Variants in PIP5K1A observed in about 807,000 individuals in gnomAD.
The protein encoded by PIP5K1A is phosphatidylinositol 4-phosphate 5-kinase type-1 alpha.
Under a neutral mutation model 72.9 loss-of-function variants are expected in PIP5K1A, and 46 were observed. The observed-to-expected ratio is 0.63, with a 90% CI of 0.50 to 0.81. The LOEUF is 0.81. Among genes scored for constraint, PIP5K1A ranks in the 30% least tolerant of loss-of-function variants. The probability of loss-of-function intolerance (pLI) is 0.00; values close to 1 mark genes in which losing one functional copy is unlikely to be tolerated. For synonymous variants in PIP5K1A, 228 were observed against 255.1 expected (o/e 0.89, Z 1.01); for missense variants, 458 against 706.1 (o/e 0.65, Z 3.98).
chr1:151,224,088 A>G, intron 1 of PIP5K1A, 157 bp from the exon 2 acceptor site: 1 of 697,762 alleles, frequency 1.4e-6, no homozygotes, highest in East Asian at 2.6e-5. Context: ...AGAGAGGGAC[A>G]TACACAGTTG....
chr1:151,234,883 A>G (rs1690639120), intron 8 of PIP5K1A, among the ~76,000 whole-genome samples: 1 of 152,046 alleles, frequency 6.6e-6, no homozygotes, highest in African/African-American at 2.4e-5. Context: ...ATCCAACCCC[A>G]CTTGGGCTTT....
At chr1:151,246,789 C>T (rs905441388) in intron 14 of PIP5K1A, 131 bp from the exon 15 acceptor site, 1 of 636,242 alleles carries the variant, frequency 1.6e-6, no homozygotes, top group African/African-American at 1.8e-5. Context: ...GCTTCTCAGC[C>T]TCTTCTTTCC....
chr1:151,220,225 C>G (rs1055660562), intron 1 of PIP5K1A, among the ~76,000 whole-genome samples: 2 of 151,818 alleles, frequency 1.3e-5, no homozygotes, highest in Admixed American at 6.6e-5. Context: ...AGGATGATCT[C>G]GATCTCCTGA....
intron 5 of PIP5K1A, 150 bp downstream of exon 5, chr1:151,231,951 C>A: frequency 1.3e-6 from 1 of 759,168 alleles, no homozygotes; most frequent in Non-Finnish European, 2.2e-6. Context: ...CTAGAGAGTT[C>A]GGAGAGCAGA....
intron 1 of PIP5K1A, among the ~76,000 whole-genome samples, chr1:151,211,952 TAAAA>T (rs888345541): frequency 5.5e-5 from 8 of 146,492 alleles, no homozygotes; most frequent in African/African-American, 1.3e-4. Flanking sequence ...AAACAAAAAA[TAAAA>T]AAAAAATTAG....
At chr1:151,240,183 T>C (rs1473309534) in intron 12 of PIP5K1A, 144 bp downstream of exon 12, 2 of 663,744 alleles carry the variant, frequency 3.0e-6, no homozygotes, top group Non-Finnish European at 2.7e-6. Context: ...AGCCATTTCT[T>C]GTCCTTTGTG....
At chr1:151,234,558 C>A in intron 8 of PIP5K1A, 62 bp downstream of exon 8, 1 of 1,373,212 alleles carries the variant, frequency 7.3e-7, no homozygotes, top group Non-Finnish European at 1.0e-6. Context: ...TGTTCTTAGG[C>A]ATTAAGTTTG....
chr1:151,226,732 A>G (rs1689205768), intron 3 of PIP5K1A, among the ~76,000 whole-genome samples: 1 of 134,582 alleles, frequency 7.4e-6, no homozygotes, highest in Non-Finnish European at 1.6e-5. Context: ...AAAAAAAAGT[A>G]CTCTTATTTT....
At chr1:151,218,831 C>CAAAAAA (rs5777767) in intron 1 of PIP5K1A, among the ~76,000 whole-genome samples, 1 of 70,540 alleles carries the variant, frequency 1.4e-5, no homozygotes, top group Admixed American at 1.8e-4. Flanking sequence ...GACTCTGTCT[C>CAAAAAA]AAAAAAAAAA....
intron 13 of PIP5K1A, 58 bp downstream of exon 13, chr1:151,242,327 C>G: frequency 6.2e-7 from 1 of 1,603,010 alleles, no homozygotes; most frequent in Non-Finnish European, 8.5e-7. Flanking sequence ...TCCTTCTGAG[C>G]CTTTATCTTG....
intron 1 of PIP5K1A, chr1:151,199,307 G>T: frequency 1.2e-6 from 1 of 810,814 alleles, no homozygotes; most frequent in South Asian, 2.0e-5. Flanking sequence ...GAGGACGGAT[G>T]GAGATTGAAG....
chr1:151,247,799 C>G, intron 15 of PIP5K1A, 64 bp from the exon 16 acceptor site: 1 of 1,374,664 alleles, frequency 7.3e-7, no homozygotes, highest in Non-Finnish European at 1.0e-6. Flanking sequence ...TTTCTTAACG[C>G]TTGAATTCCA....
rs759077000 is a variant in PIP5K1A, at chr1:151,198,947, G to A, written c.-50G>A. The A allele has an allele frequency of 3.3e-6, 5 of 1,530,790 alleles. No individual in the cohort carries two copies. The highest frequency in any genetic ancestry group is 1.1e-5 in the South Asian group (1 of 89,446). 94.8% of individuals were successfully genotyped at this position (1,530,790 alleles called of 1,614,324 possible). ...GAAGATTCGATTCCGAGAAGAGGAAGAACCGGATTGAAAGAGAGCCAGGCC... is the reference window on the plus strand; with the variant it reads ...GAAGATTCGATTCCGAGAAGAGGAAAAACCGGATTGAAAGAGAGCCAGGCC... On this transcript the variant is annotated 5_prime_UTR_variant, in exon 1 of 16. Transcript: ENST00000368888.
chr1:151,241,730 G>A (rs1305543842), intron 12 of PIP5K1A, among the ~76,000 whole-genome samples: 1 of 151,706 alleles, frequency 6.6e-6, no homozygotes, highest in East Asian at 1.9e-4. Flanking sequence ...AACTCTGGAG[G>A]TGGAGGTTGC....
In PIP5K1A at chr1:151,234,501, GT is replaced by G; in HGVS notation, c.939+8del. On this transcript the variant is annotated splice_donor_region_variant and intron_variant, in intron 8 of 15. Transcript: ENST00000368888. Reference sequence around the variant, plus strand: ...ACCCTGCAGCGTGACTGTTTGGTGAGTTTGTTACTTAGACATCAAAAATCTC... The same window carrying G: ...ACCCTGCAGCGTGACTGTTTGGTGAGTTGTTACTTAGACATCAAAAATCTC... The G allele has an allele frequency of 1.2e-6, 2 of 1,612,406 alleles. No homozygotes were observed. Among genetic ancestry groups the G allele is most frequent in the Non-Finnish European group, 1.7e-6 (2 of 1,178,460 alleles).
intron 1 of PIP5K1A, among the ~76,000 whole-genome samples, chr1:151,203,758 G>A (rs587649204): frequency 1.4e-4 from 21 of 151,538 alleles, no homozygotes; most frequent in Admixed American, 1.4e-3. Context: ...CAGGAGGCGC[G>A]GGTTGCAGTG....
chr1:151,198,816 G>T lies in PIP5K1A; in HGVS notation c.-181G>T, dbSNP rs148362936. On this transcript the variant is annotated 5_prime_UTR_variant, in exon 1 of 16. Coordinates refer to ENST00000368888, the MANE Select transcript of PIP5K1A (RefSeq NM_001135638.2). ...AGTTCTTCCCCATGCCAGGCGAATG[G>T]TGTGGCCTTGAGCTGGTCCAGGAGC... The T allele has an allele frequency of 3.0e-6, 2 of 672,820 alleles. No individual in the cohort carries two copies. Among genetic ancestry groups the T allele is most frequent in the Non-Finnish European group, 5.3e-6 (2 of 377,802 alleles). The allele number at this position is 672,820 out of a possible 1,614,324, so 41.7% of individuals were successfully genotyped here. A position where few individuals can be genotyped will look rare whatever the true frequency, so the allele number is the denominator to read the frequency against.
intron 1 of PIP5K1A, chr1:151,216,041 C>T (rs1190199864): frequency 2.8e-6 from 3 of 1,053,148 alleles, no homozygotes; most frequent in African/African-American, 1.6e-5. Flanking sequence ...GCATGAGCTC[C>T]TTACAGTAAC....
At chr1:151,243,240 C>A (rs935399358) in intron 14 of PIP5K1A, among the ~76,000 whole-genome samples, 1 of 152,164 alleles carries the variant, frequency 6.6e-6, no homozygotes, top group Non-Finnish European at 1.5e-5. Context: ...AATACACTGA[C>A]CCCCTCCCAG....
Sources: allele counts gnomAD v4.1 joint callset (sites outside exome capture counted in the v4.1 genomes callset), GRCh38; gene constraint gnomAD v4.1.1; transcripts MANE v1.5; gene names NCBI Gene and HGNC (gene_info 2026-07-23, HGNC 2026-07-21).